The following BLTP1 variants were observed in gnomAD, a reference collection of about 807,000 sequenced individuals.
BLTP1 encodes the protein fragile site-associated protein.
chr4:122,352,063 A>T, the BLTP1 span, among the ~76,000 whole-genome samples: 1 of 152,196 alleles, frequency 6.6e-6, no homozygotes, highest in African/African-American at 2.4e-5. Flanking sequence ...AAGAGTCGGC[A>T]TTTCTCACAA....
At chr4:122,330,138 T>C in the BLTP1 span, among the ~76,000 whole-genome samples, 37 of 151,836 alleles carry the variant, frequency 2.4e-4, no homozygotes, top group Admixed American at 5.9e-4. Flanking sequence ...CAATGGACAT[T>C]TTAGGTTGTT....
At chr4:122,258,690 A>C in the BLTP1 span, 21 of 1,607,268 alleles carry the variant, frequency 1.3e-5, no homozygotes, top group Middle Eastern at 1.7e-4. Flanking sequence ...TATTCTTTTG[A>C]ACTGTTTCAG....
At chr4:122,181,221 TAAAC>T in the BLTP1 span, 19 of 892,254 alleles carry the variant, frequency 2.1e-5, no homozygotes, top group Admixed American at 2.5e-4. Flanking sequence ...CATTCTATGA[TAAAC>T]AAATTAGATG....
At chr4:122,267,076 T>TTTTTTA in the BLTP1 span, 2 of 386,908 alleles carry the variant, frequency 5.2e-6, no homozygotes, top group South Asian at 3.0e-5. Flanking sequence ...TTTTTTTTTT[T>TTTTTTA]GAGACGGAGT....
At chr4:122,153,157 T>C in the BLTP1 span, 1 of 301,026 alleles carries the variant, frequency 3.3e-6, no homozygotes, top group Non-Finnish European at 4.7e-6. Flanking sequence ...TTAGTTGTTG[T>C]CGTTTTTTTT....
the BLTP1 span, chr4:122,345,199 A>T: frequency 4.7e-5 from 10 of 213,840 alleles, no homozygotes; most frequent in Admixed American, 2.0e-4. Flanking sequence ...GATTGAGGGG[A>T]GCAGGCATGA....
the BLTP1 span, chr4:122,271,422 A>C: frequency 2.5e-6 from 4 of 1,613,898 alleles, no homozygotes; most frequent in Non-Finnish European, 3.4e-6. Flanking sequence ...AATGGTGGCA[A>C]TAGAGTAAAT....
the BLTP1 span, chr4:122,178,223 A>G: frequency 2.6e-6 from 2 of 780,828 alleles, no homozygotes; most frequent in Admixed American, 6.3e-5. Context: ...CTTCAAGGTT[A>G]TAAACAACTC....
the BLTP1 span, chr4:122,344,407 A>G: frequency 1.9e-6 from 3 of 1,613,752 alleles, no homozygotes; most frequent in Non-Finnish European, 2.5e-6. Context: ...AGCCCACTTC[A>G]GTCACTGGTC....
the BLTP1 span, chr4:122,263,394 C>T: frequency 6.1e-6 from 9 of 1,471,914 alleles, no homozygotes; most frequent in Admixed American, 2.5e-5. Context: ...CATTTTTTTG[C>T]TCCTTAGTAT....
At chr4:122,338,861 G>GT in the BLTP1 span, among the ~76,000 whole-genome samples, 1 of 152,044 alleles carries the variant, frequency 6.6e-6, no homozygotes, top group Non-Finnish European at 1.5e-5. Flanking sequence ...AAATATTTAG[G>GT]TTTTTAAAAA....
At chr4:122,331,292 A>C in the BLTP1 span, 1 of 1,574,690 alleles carries the variant, frequency 6.4e-7, no homozygotes, top group Non-Finnish European at 8.6e-7. Context: ...CTCTCATTTT[A>C]CTACAATGTA....
chr4:122,258,706 G>C, the BLTP1 span: 1 of 1,613,170 alleles, frequency 6.2e-7, no homozygotes, highest in Non-Finnish European at 8.5e-7. Flanking sequence ...TTCAGCCACA[G>C]TCAGTGAACA....
the BLTP1 span, among the ~76,000 whole-genome samples, chr4:122,163,137 C>G: frequency 6.6e-6 from 1 of 152,036 alleles, no homozygotes; most frequent in Non-Finnish European, 1.5e-5. Context: ...TGGGTTTCCC[C>G]AGAAACAAAC....
At chr4:122,303,592 A>G in the BLTP1 span, among the ~76,000 whole-genome samples, 1 of 152,210 alleles carries the variant, frequency 6.6e-6, no homozygotes, top group Admixed American at 6.5e-5. Flanking sequence ...GATTCATGAG[A>G]GGAGGTGCTA....
chr4:122,304,872 T>G, the BLTP1 span: 5 of 1,613,962 alleles, frequency 3.1e-6, no homozygotes, highest in Non-Finnish European at 4.2e-6. Context: ...AACTGGAACT[T>G]TCTAACCGAC....
the BLTP1 span, chr4:122,239,589 C>T: frequency 1.2e-6 from 2 of 1,614,096 alleles, no homozygotes; most frequent in African/African-American, 1.3e-5. Context: ...TCAATCTCCT[C>T]TTAGATCTCC....
the BLTP1 span, chr4:122,288,781 G>A: frequency 3.8e-6 from 2 of 521,752 alleles, no homozygotes; most frequent in South Asian, 1.7e-4. Flanking sequence ...TACTCTAGGA[G>A]AAAATTTAAT....
chr4:122,172,884 A>T, the BLTP1 span: 2 of 1,493,040 alleles, frequency 1.3e-6, no homozygotes, highest in South Asian at 1.3e-5. Context: ...ATCGGAATTT[A>T]TGCTTTTCTG....
Sources: allele counts gnomAD v4.1 joint callset (sites outside exome capture counted in the v4.1 genomes callset), GRCh38; gene constraint gnomAD v4.1.1; transcripts MANE v1.5; gene names NCBI Gene and HGNC (gene_info 2026-07-23, HGNC 2026-07-21).